TICRR: variants seen among roughly 807,000 people sequenced by gnomAD.
TICRR encodes the protein TOPBP1 interacting checkpoint and replication regulator, also known as treslin.
A neutral mutation model predicts 178.1 loss-of-function variants in TICRR; 132 were observed. The ratio of observed to expected loss-of-function variants is 0.74; its 90% CI spans 0.64 to 0.86. The LOEUF (loss-of-function observed/expected upper bound fraction) is 0.86. Ranked by LOEUF, TICRR falls within the 40% of genes least tolerant of loss-of-function variation. TICRR has a pLI of 0.00. For synonymous variants in TICRR, 991 were observed against 900.7 expected (o/e 1.10, Z -1.79); for missense variants, 2,587 against 2,334.3 (o/e 1.11, Z -2.23).
intron 19 of TICRR, among the ~76,000 whole-genome samples, chr15:89,622,784 T>C (rs1044945849): frequency 2.0e-5 from 3 of 152,198 alleles, no homozygotes; most frequent in African/African-American, 7.2e-5. Context: ...GCTAGTATTG[T>C]TTTCTATGCC....
intron 8 of TICRR, among the ~76,000 whole-genome samples, chr15:89,600,061 G>A (rs1455444271): frequency 1.3e-5 from 2 of 152,158 alleles, no homozygotes; most frequent in Non-Finnish European, 2.9e-5. Context: ...AGGCAAGATC[G>A]TACCATTGCA....
chr15:89,625,352 T>A lies in TICRR; in HGVS notation c.5042T>A (p.Ile1681Lys). Reference protein sequence around the residue: ...PKHSGKTTPDIIKDWPRRKRA... With the variant: ...PKHSGKTTPDKIKDWPRRKRA... ...CACAGTGGGAAGACAACTCCAGACATAATTAAAGACTGGCCCAGGAGGAAG... is the reference window on the plus strand; with the variant it reads ...CACAGTGGGAAGACAACTCCAGACAAAATTAAAGACTGGCCCAGGAGGAAG... Residue 1681 changes from isoleucine to lysine, a missense_variant, in exon 20 of 22, where the codon ATA becomes AAA. Physicochemically the swap from Ile to Lys is moderately radical, Grantham distance 102. Transcript: ENST00000268138. 1.9e-6 allele frequency: 3 copies of A among 1,613,816 alleles called. No homozygotes were observed. Among genetic ancestry groups the A allele is most frequent in the Non-Finnish European group, 2.5e-6 (3 of 1,179,966 alleles).
At position 89,625,214 on chromosome 15, in the gene TICRR, G is replaced by C. The variant is rs753441690; in HGVS notation, c.4904G>C (p.Gly1635Ala). The C allele has an allele frequency of 3.1e-6, 5 of 1,613,512 alleles. No individual in the cohort carries two copies. The highest frequency in any genetic ancestry group is 1.1e-5 in the South Asian group (1 of 91,064). ...CCCCGCCTCTCCCACAGCACACCTG[G>C]CAAGAGCAGGGGGCAAACCTACATC... is the stretch of plus-strand genomic sequence containing the variant. ...PCPRLSHSTP[G>A]KSRGQTYICQ... The change falls in exon 20 of 22, where the codon GGC becomes GCC. Residue 1635 changes from glycine to alanine, a missense_variant. Physicochemically the swap from Gly to Ala is moderately conservative, Grantham distance 60. Coordinates refer to ENST00000268138, the MANE Select transcript of TICRR (RefSeq NM_152259.4).
intron 6 of TICRR, 50 bp downstream of exon 6, chr15:89,594,604 A>G (rs1962966247): frequency 2.8e-6 from 4 of 1,451,322 alleles, no homozygotes; most frequent in Non-Finnish European, 3.7e-6. Context: ...TTGAGACTGT[A>G]TGTTTTAAAA....
rs749634970 is a variant in TICRR at position 89,575,981 on chromosome 15, G to A, written c.395G>A (p.Arg132Lys). The A allele has an allele frequency of 2.9e-5, 46 of 1,605,822 alleles. No individual in the cohort carries two copies. The highest frequency in any genetic ancestry group is 2.5e-4 in the Admixed American group (15 of 59,062). Residue 132 changes from arginine to lysine, a missense_variant, in exon 1 of 22, where the codon AGA (arginine) becomes AAA (lysine). Transcript: ENST00000268138. ...CCGATCCTGCGGAGCAGCGGGAGGA[G>A]ACTGCTGGACGTGGAGAGCGAGGCC... Reference protein sequence around the residue: ...TKPILRSSGRRLLDVESEAKE... With the variant: ...TKPILRSSGRKLLDVESEAKE...
rs770021600 is a variant in TICRR, at chr15:89,594,504, A to C, written c.1631A>C (p.Lys544Thr). 6.2e-7 allele frequency: 1 copy of C among 1,613,424 alleles called. No homozygotes were observed. The highest frequency in any genetic ancestry group is 8.5e-7 in the Non-Finnish European group (1 of 1,179,664). ...IHCLAELYQR[K>T]SREESTIAHQ... ...TGCCTTGCCGAGCTCTACCAGAGAA[A>C]ATCTCGTGAAGAATCCACTATAGCT... is the stretch of plus-strand genomic sequence containing the variant. The change falls in exon 6 of 22, where the codon AAA becomes ACA. Residue 544 changes from lysine to threonine, a missense_variant. Transcript: ENST00000268138.
Position 89,576,005 on chromosome 15 carries a change from C to T in TICRR, c.419C>T (p.Ala140Val). The change falls in exon 1 of 22, where the codon GCC becomes GTC. Residue 140 changes from alanine (A) to valine (V), a missense_variant. Transcript: ENST00000268138. The stretch of plus-strand genomic sequence containing the variant: ...AGACTGCTGGACGTGGAGAGCGAGG[C>T]CAAGGAGGCCGAGGCCGCGCTCGGG... ...GRRLLDVESE[A>V]KEAEAALGGL... is the part of the protein sequence containing the mutation. 2 of 1,607,786 alleles carry T rather than the reference C, an allele frequency of 1.2e-6. No homozygotes were observed. The highest frequency in any genetic ancestry group is 1.7e-6 in the Non-Finnish European group (2 of 1,178,172).
At chr15:89,586,514 A>C (rs1460525765) in intron 4 of TICRR, among the ~76,000 whole-genome samples, 1 of 152,228 alleles carries the variant, frequency 6.6e-6, no homozygotes, top group Non-Finnish European at 1.5e-5. Flanking sequence ...CTGACCATCT[A>C]GTCCAGGGAG....
Position 89,576,239 on chromosome 15 carries a change from A to G in TICRR, c.653A>G (p.Lys218Arg). The change falls in exon 1 of 22, where the codon AAG becomes AGG. Residue 218 changes from lysine to arginine, a missense_variant and splice_region_variant. Physicochemically the swap from Lys to Arg is conservative, Grantham distance 26. Transcript: ENST00000268138. The stretch of plus-strand genomic sequence containing the variant: ...TGGGTGGATACCACCGAATGGTCTA[A>G]GGTAAGGAAGGTTACTGTCGTCTCA... ...FYWVDTTEWSKLWESPDHLGY... is the reference protein window; with the variant it reads ...FYWVDTTEWSRLWESPDHLGY... 6.5e-7 allele frequency: 1 copy of G among 1,548,264 alleles called. No homozygotes were observed. Among genetic ancestry groups the G allele is most frequent in the Non-Finnish European group, 8.7e-7 (1 of 1,152,396 alleles).
intron 9 of TICRR, 112 bp from the exon 10 acceptor site, chr15:89,601,186 T>C: frequency 1.3e-6 from 1 of 799,544 alleles, no homozygotes; most frequent in Non-Finnish European, 2.0e-6. Flanking sequence ...AGGCACTGGC[T>C]CTCCTCCTTT....
intron 15 of TICRR, among the ~76,000 whole-genome samples, chr15:89,615,430 A>G (rs573770738): frequency 2.6e-5 from 4 of 152,328 alleles, no homozygotes; most frequent in Admixed American, 2.6e-4. Flanking sequence ...CCGTAGGGCT[A>G]GGGGGAAGGG....
Position 89,594,465 on chromosome 15 carries a change from G to C in TICRR, c.1592G>C (p.Gly531Ala), listed in dbSNP as rs757906095. Residue 531 changes from glycine (G) to alanine (A), a missense_variant, in exon 6 of 22, where the codon GGC (glycine) becomes GCC (alanine). By Grantham distance (60) the Gly-to-Ala change is moderately conservative. Coordinates refer to ENST00000268138, the MANE Select transcript of TICRR (RefSeq NM_152259.4). The part of the protein sequence containing the change: ...ANKEESSKTE[G>A]ELIHCLAELY... ...AAGGAAGAGTCTTCCAAAACTGAAG[G>C]CGAATTAATACATTGCCTTGCCGAG... 1 of 1,612,652 alleles carries C rather than the reference G, an allele frequency of 6.2e-7. No homozygotes were observed. The highest frequency in any genetic ancestry group is 1.7e-5 in the Admixed American group (1 of 59,816).
intron 4 of TICRR, among the ~76,000 whole-genome samples, chr15:89,588,631 G>T (rs1962860165): frequency 6.6e-6 from 1 of 152,106 alleles, no homozygotes; most frequent in African/African-American, 2.4e-5. Context: ...GATCATAGAG[G>T]GTGGTGACCA....
chr15:89,579,344 T>A (rs770671313), intron 1 of TICRR, among the ~76,000 whole-genome samples: 1 of 152,040 alleles, frequency 6.6e-6, no homozygotes, highest in Non-Finnish European at 1.5e-5. Flanking sequence ...ACTGTTTGTA[T>A]TTTTGTTTTT....
rs1003000599 is a variant in TICRR at position 89,584,910 on chromosome 15, G to C, written c.1176+383G>C. ...CTACACAGTAAAATTAGATGTAATAGTATAATAGTTGTGTAACTATATACA... is the reference window on the plus strand; with the variant it reads ...CTACACAGTAAAATTAGATGTAATACTATAATAGTTGTGTAACTATATACA... On this transcript the variant is annotated intron_variant, in intron 3 of 21. Transcript: ENST00000268138. Among the ~76,000 whole-genome samples, 7 of 152,224 alleles carry C rather than the reference G, an allele frequency of 4.6e-5. No individual in the cohort carries two copies. In the East Asian group the frequency reaches 1.3e-3, roughly 29 times the overall value.
intron 15 of TICRR, among the ~76,000 whole-genome samples, chr15:89,614,317 A>AT (rs1170845165): frequency 0.032 from 4,393 of 136,270 alleles, 117 homozygotes; most frequent in African/African-American, 0.071. Flanking sequence ...TGACAACTGG[A>AT]TTTTTTTTTT....
intron 4 of TICRR, among the ~76,000 whole-genome samples, chr15:89,590,377 TTG>T (rs1359549945): frequency 3.9e-5 from 6 of 152,188 alleles, no homozygotes; most frequent in Non-Finnish European, 7.4e-5. Context: ...TACTTACCAA[TTG>T]TGTGTAGGCT....
Position 89,623,789 on chromosome 15 carries a change from C to A in TICRR, c.3479C>A (p.Ser1160Tyr), listed in dbSNP as rs1963463185. ...QAAFKESLKD[S>Y]SSPGHDSPLD... Reference sequence around the variant, plus strand: ...GCTTTTAAGGAGTCCTTAAAAGACTCCTCCTCACCCGGCCATGACTCACCA... The same window carrying A: ...GCTTTTAAGGAGTCCTTAAAAGACTACTCCTCACCCGGCCATGACTCACCA... Residue 1160 changes from serine (S) to tyrosine (Y), a missense_variant, in exon 20 of 22, where the codon TCC (serine) becomes TAC (tyrosine). Ser to Tyr is a moderately radical substitution (Grantham distance 144, BLOSUM62 -2). Coordinates refer to ENST00000268138, the MANE Select transcript of TICRR (RefSeq NM_152259.4). The A allele has an allele frequency of 6.2e-7, 1 of 1,613,978 alleles. No individual in the cohort carries two copies. The highest frequency in any genetic ancestry group is 2.2e-5 in the East Asian group (1 of 44,872).
Position 89,619,836 on chromosome 15 carries a change from A to T in TICRR, c.3148A>T (p.Lys1050Ter), listed in dbSNP as rs761932810. The change falls in exon 18 of 22, where the codon AAG becomes TAG. Residue 1050 changes from lysine (K) to a stop codon, truncating the protein, a stop_gained. Coordinates refer to ENST00000268138, the MANE Select transcript of TICRR (RefSeq NM_152259.4). LOFTEE classifies it high-confidence loss of function. ...AAGAGTCCACTCTTTCCAGCAAGAT[A>T]AGTCAGGTAACATACGGGCCCCTCT... Reference protein sequence around the residue: ...VQRVHSFQQDKSDQRENSPVQ... With the variant: ...VQRVHSFQQD 5 of 1,611,136 alleles carry T rather than the reference A, an allele frequency of 3.1e-6. No individual in the cohort carries two copies. The highest frequency in any genetic ancestry group is 3.4e-6 in the Non-Finnish European group (4 of 1,179,138).
Sources: gnomAD v4.1 joint callset for allele counts (sites outside exome capture counted in the v4.1 genomes callset) on GRCh38, gnomAD v4.1.1 for gene constraint, MANE v1.5 for transcripts, NCBI Gene and HGNC (gene_info 2026-07-23, HGNC 2026-07-21) for gene names.